The following ROBO1 variants were observed in gnomAD, a reference collection of about 807,000 sequenced individuals.
ROBO1 encodes the protein roundabout guidance receptor 1.
ROBO1 carries 149 observed loss-of-function variants against 195.9 expected under a neutral mutation model. The observed-to-expected ratio is 0.76, with a 90% CI of 0.67 to 0.87. ROBO1 has a LOEUF of 0.87. ROBO1 is among the 40% of genes least tolerant of loss of function. The pLI, the probability that ROBO1 is intolerant of heterozygous loss-of-function variation, is 0.00. For synonymous variants in ROBO1, 816 were observed against 733.2 expected (o/e 1.11, Z -1.82); for missense variants, 1,933 against 2,068.3 (o/e 0.93, Z 1.27).
At position 78,856,065 on chromosome 3, in the gene ROBO1, T is replaced by TC. The variant is rs553789995; in HGVS notation, c.499+82535dup. Among the ~76,000 whole-genome samples, 55 of 152,088 alleles carry TC rather than the reference T, an allele frequency of 3.6e-4. No homozygotes were observed. In the South Asian group the frequency reaches 0.011, roughly 31 times the overall value. ...CCAGAACTTTCCTTTTTCTTTTTTT[T>TC]CAAGCTTCAGAGTAACAAATTACAT... On this transcript the variant is annotated intron_variant, in intron 4 of 30. Transcript: ENST00000464233.
chr3:79,603,051 G>T (rs1186305484), intron 1 of ROBO1, among the ~76,000 whole-genome samples: 1 of 151,880 alleles, frequency 6.6e-6, no homozygotes, highest in African/African-American at 2.4e-5. Context: ...CATATGCCTG[G>T]CCTTTCCCTG....
At chr3:79,347,380 G>T (rs1340972041) in intron 2 of ROBO1, among the ~76,000 whole-genome samples, 1 of 152,140 alleles carries the variant, frequency 6.6e-6, no homozygotes, top group Non-Finnish European at 1.5e-5. Flanking sequence ...TAGCATGTTT[G>T]TTGGACTGAA....
chr3:79,559,507 G>A (rs1405519884), intron 2 of ROBO1, among the ~76,000 whole-genome samples: 2 of 152,194 alleles, frequency 1.3e-5, no homozygotes, highest in Non-Finnish European at 1.5e-5. Flanking sequence ...GTAACTCAGA[G>A]GTGGAAACAC....
At chr3:79,414,031 T>C (rs545179382) in intron 2 of ROBO1, among the ~76,000 whole-genome samples, 4 of 152,260 alleles carry the variant, frequency 2.6e-5, no homozygotes, top group Non-Finnish European at 2.9e-5. Context: ...CTCCTCGAAA[T>C]ACCTTTTTCC....
intron 3 of ROBO1, among the ~76,000 whole-genome samples, chr3:79,090,685 A>G (rs1479219048): frequency 3.3e-5 from 5 of 151,988 alleles, no homozygotes; most frequent in Admixed American, 3.3e-4. Flanking sequence ...CTATTTTCTT[A>G]TCGGTAAAAT....
In ROBO1 at chr3:78,668,151, A is replaced by G. The variant is rs2107702981; in HGVS notation, c.1782T>C (p.Tyr594=). 4 of 1,613,684 alleles carry G rather than the reference A, an allele frequency of 2.5e-6. No individual in the cohort carries two copies. Among genetic ancestry groups the G allele is most frequent in the East Asian group, 4.5e-5 (2 of 44,868 alleles). ...NLNSGATPTS[Y]IIEAFSHASG... ...CACTCTACCTGAAGGCTTCTATAAT[A>G]TAAGATGTTGGAGTTGCTCCTGAAT... Residue 594 remains tyrosine, a synonymous_variant, in exon 13 of 31, where the codon TAT becomes TAC. Coordinates refer to ENST00000464233, the MANE Select transcript of ROBO1 (RefSeq NM_002941.4).
intron 3 of ROBO1, among the ~76,000 whole-genome samples, chr3:79,070,074 T>A (rs1398778779): frequency 6.6e-6 from 1 of 151,672 alleles, no homozygotes; most frequent in Non-Finnish European, 1.5e-5. Flanking sequence ...ATTGACTACT[T>A]TTAAAAGATG....
chr3:79,587,720 A>T (rs1314450191), intron 2 of ROBO1, among the ~76,000 whole-genome samples: 1 of 151,848 alleles, frequency 6.6e-6, no homozygotes, highest in African/African-American at 2.4e-5. Flanking sequence ...AAGGTCTCTA[A>T]TGAACATACT....
chr3:78,705,994 GTC>G (rs1205405813), intron 8 of ROBO1, among the ~76,000 whole-genome samples: 2 of 151,374 alleles, frequency 1.3e-5, no homozygotes, highest in African/African-American at 4.9e-5. Flanking sequence ...CTAAAACGAT[GTC>G]TCTGAGACTG....
chr3:78,721,838 G>A (rs9840033), intron 5 of ROBO1, among the ~76,000 whole-genome samples: 50,596 of 151,870 alleles, frequency 0.33, 9,712 homozygotes, highest in African/African-American at 0.53. Context: ...TTATGCACAC[G>A]TGGGCCACCA....
chr3:79,619,222 C>T (rs1944926542), intron 1 of ROBO1, among the ~76,000 whole-genome samples: 2 of 152,144 alleles, frequency 1.3e-5, no homozygotes, highest in Admixed American at 6.5e-5. Context: ...GGGACAACTG[C>T]TTTGGCTGCA....
intron 2 of ROBO1, among the ~76,000 whole-genome samples, chr3:79,169,082 G>A (rs2081122165): frequency 1.3e-5 from 2 of 152,220 alleles, no homozygotes; most frequent in South Asian, 4.1e-4. Flanking sequence ...AACTATTAAA[G>A]AACTGAAAGA....
chr3:79,594,340 C>T (rs1009011512), intron 1 of ROBO1, among the ~76,000 whole-genome samples: 4 of 151,966 alleles, frequency 2.6e-5, no homozygotes, highest in East Asian at 3.9e-4. Flanking sequence ...CATATGAACA[C>T]GTTTTCCATG....
intron 3 of ROBO1, among the ~76,000 whole-genome samples, chr3:79,063,661 A>G (rs2108411865): frequency 6.6e-6 from 1 of 152,004 alleles, no homozygotes; most frequent in South Asian, 2.1e-4. Context: ...GTGGATTCCA[A>G]GACACCCAAT....
At chr3:79,380,327 C>G (rs1203929898) in intron 2 of ROBO1, among the ~76,000 whole-genome samples, 1 of 152,080 alleles carries the variant, frequency 6.6e-6, no homozygotes, top group East Asian at 1.9e-4. Context: ...CTAGTATATC[C>G]TCTTTTTCCC....
At chr3:78,804,539 C>T (rs938030215) in intron 4 of ROBO1, among the ~76,000 whole-genome samples, 1 of 151,910 alleles carries the variant, frequency 6.6e-6, no homozygotes, top group Non-Finnish European at 1.5e-5. Context: ...GCAAAAGAGT[C>T]TTTTATTAAA....
intron 2 of ROBO1, among the ~76,000 whole-genome samples, chr3:79,248,758 AG>A (rs2082670754): frequency 1.3e-5 from 2 of 152,134 alleles, no homozygotes; most frequent in African/African-American, 4.8e-5. Context: ...TTCAAATTTA[AG>A]CAGTGTTTTG....
intron 14 of ROBO1, among the ~76,000 whole-genome samples, chr3:78,666,245 G>A (rs902280985): frequency 2.0e-5 from 3 of 152,104 alleles, no homozygotes; most frequent in African/African-American, 4.8e-5. Flanking sequence ...GCCCAGTCTC[G>A]GGGAAGTTCT....
chr3:79,666,648 T>C (rs1182035652), intron 1 of ROBO1, among the ~76,000 whole-genome samples: 4 of 151,924 alleles, frequency 2.6e-5, no homozygotes, highest in Admixed American at 2.0e-4. Flanking sequence ...CTTGCTGCCA[T>C]GTAAGACATG....
Sources: allele counts gnomAD v4.1 joint callset (sites outside exome capture counted in the v4.1 genomes callset), GRCh38; gene constraint gnomAD v4.1.1; transcripts MANE v1.5; gene names NCBI Gene and HGNC (gene_info 2026-07-23, HGNC 2026-07-21).